The following DEPDC4 variants were observed in gnomAD, a reference collection of about 807,000 sequenced individuals.
The protein encoded by DEPDC4 is DEP domain-containing protein 4.
DEPDC4 carries 52 observed loss-of-function variants against 52.0 expected under a neutral mutation model. The ratio of observed to expected loss-of-function variants is 1.00; its 90% CI spans 0.80 to 1.26. The LOEUF (loss-of-function observed/expected upper bound fraction) is 1.26, where lower values mean the gene tolerates loss of function less well. Among genes scored for constraint, DEPDC4 ranks in the 50% most tolerant of loss-of-function variants. The pLI is 0.00. For missense variants in DEPDC4, 530 were observed against 546.9 expected, an observed-to-expected ratio of 0.97 and a Z score of 0.31; for synonymous variants, 201 against 196.8, an observed-to-expected ratio of 1.02 and a Z score of -0.18.
downstream of DEPDC4, chr12:100,237,951 G>T: frequency 2.8e-6 from 1 of 358,842 alleles, no homozygotes; most frequent in Non-Finnish European, 3.9e-6. Context: ...TCATAGTGAT[G>T]ACTAGCAAAT....
At chr12:100,263,934 A>T (rs763445518) in intron 1 of DEPDC4, 41 bp from the exon 2 acceptor site, 2 of 1,539,812 alleles carry the variant, frequency 1.3e-6, no homozygotes, top group Admixed American at 2.1e-5. Context: ...AATCTAGATT[A>T]TACAAAAATA....
intron 1 of DEPDC4, among the ~76,000 whole-genome samples, chr12:100,265,674 G>C (rs1465335348): frequency 6.6e-6 from 1 of 151,640 alleles, no homozygotes; most frequent in Admixed American, 6.6e-5. Flanking sequence ...GAATGAAGTA[G>C]AGCTATGTTT....
intron 1 of DEPDC4, among the ~76,000 whole-genome samples, chr12:100,265,709 T>C (rs1566330883): frequency 1.3e-5 from 2 of 152,198 alleles, no homozygotes; most frequent in Non-Finnish European, 2.9e-5. Flanking sequence ...TCTCATTAAG[T>C]AGGGAAAAAG....
intron 8 of DEPDC4, among the ~76,000 whole-genome samples, chr12:100,244,477 G>C (rs931075981): frequency 2.6e-5 from 4 of 151,012 alleles, no homozygotes; most frequent in Admixed American, 2.0e-4. Context: ...CACAGCATCC[G>C]GCCTATTTTA....
the DEPDC4 span, among the ~76,000 whole-genome samples, chr12:100,275,394 A>G: frequency 2.6e-5 from 4 of 151,946 alleles, no homozygotes; most frequent in African/African-American, 9.7e-5. Context: ...TGGAGTCTTG[A>G]TATGTTACCC....
At chr12:100,235,020 A>G (rs1429868342) in intron 9 of DEPDC4, among the ~76,000 whole-genome samples, 1 of 151,790 alleles carries the variant, frequency 6.6e-6, no homozygotes, top group Non-Finnish European at 1.5e-5. Flanking sequence ...CAAACGTTTC[A>G]CTGTTTACAA....
At chr12:100,260,126 T>C (rs1393165580) in intron 3 of DEPDC4, among the ~76,000 whole-genome samples, 4 of 137,584 alleles carry the variant, frequency 2.9e-5, no homozygotes, top group African/African-American at 9.1e-5. Context: ...ACCTATAGAA[T>C]TTTTTTTTTT....
intron 4 of DEPDC4, among the ~76,000 whole-genome samples, chr12:100,254,082 T>C (rs1183683003): frequency 6.6e-6 from 1 of 152,100 alleles, no homozygotes; most frequent in Admixed American, 6.6e-5. Context: ...ATACCAAATA[T>C]TTCCCCAACC....
chr12:100,274,820 G>A, the DEPDC4 span, among the ~76,000 whole-genome samples: 3 of 152,286 alleles, frequency 2.0e-5, no homozygotes, highest in Middle Eastern at 3.4e-3. Flanking sequence ...TTTGGAGAGC[G>A]ATAGGGCTTT....
chr12:100,278,320 C>G, the DEPDC4 span, among the ~76,000 whole-genome samples: 3 of 152,242 alleles, frequency 2.0e-5, no homozygotes, highest in East Asian at 5.8e-4. Context: ...CTGCCTCAGC[C>G]TCCTGAGTAG....
chr12:100,251,487 A>G (rs1342723997), intron 7 of DEPDC4, among the ~76,000 whole-genome samples: 1 of 151,840 alleles, frequency 6.6e-6, no homozygotes, highest in Non-Finnish European at 1.5e-5. Context: ...GGCTTACTGC[A>G]GCCTCAATCT....
At chr12:100,234,651 C>T (rs140348744) in intron 9 of DEPDC4, among the ~76,000 whole-genome samples, 8 of 151,816 alleles carry the variant, frequency 5.3e-5, no homozygotes, top group Non-Finnish European at 8.8e-5. Flanking sequence ...TCGTAGAGAC[C>T]GAATAATCTA....
intron 8 of DEPDC4, among the ~76,000 whole-genome samples, chr12:100,248,587 C>T (rs1682452947): frequency 6.6e-6 from 1 of 151,926 alleles, no homozygotes; most frequent in Admixed American, 6.6e-5. Flanking sequence ...CTGAGAGAGT[C>T]AGAAGAAGAT....
chr12:100,276,715 A>AT, the DEPDC4 span, among the ~76,000 whole-genome samples: 1 of 151,638 alleles, frequency 6.6e-6, no homozygotes, highest in Admixed American at 6.6e-5. Context: ...ACTTCATTGG[A>AT]TTTTTTTCCT....
At chr12:100,271,481 T>G (rs2096287673), upstream of DEPDC4, among the ~76,000 whole-genome samples, 1 of 152,222 alleles carries the variant, frequency 6.6e-6, no homozygotes, top group Non-Finnish European at 1.5e-5. Context: ...AATGATGATA[T>G]AAATGGTATT....
chr12:100,236,512 G>T (rs182096768), downstream of DEPDC4, among the ~76,000 whole-genome samples: 1 of 152,060 alleles, frequency 6.6e-6, no homozygotes, highest in East Asian at 1.9e-4. Context: ...TTCTATTCAT[G>T]TCCTTAGCCC....
chr12:100,276,080 G>A, the DEPDC4 span, among the ~76,000 whole-genome samples: 10 of 152,140 alleles, frequency 6.6e-5, no homozygotes, highest in African/African-American at 1.7e-4. Flanking sequence ...ACATATTAAC[G>A]AGGGACATTG....
In DEPDC4 at chr12:100,241,718, C is replaced by A; in HGVS notation, c.*174G>T. On this transcript the variant is annotated 3_prime_UTR_variant, in exon 10 of 10. Coordinates refer to ENST00000550587, the MANE Select transcript of DEPDC4 (RefSeq NM_001364818.2). ...GTTTTTGAAATTCCTTAATTAATTT[C>A]TTTTTTCGTTTCAGAGAGATGCTGG... is the stretch of plus-strand genomic sequence containing the variant. The A allele has an allele frequency of 1.6e-6, 2 of 1,260,566 alleles. No homozygotes were observed. The highest frequency in any genetic ancestry group is 1.0e-6 in the Non-Finnish European group (1 of 976,132). The allele number at this position is 1,260,566 out of a possible 1,614,324, so 78.1% of individuals were successfully genotyped here.
chr12:100,262,128 A>G (rs1194105718), intron 3 of DEPDC4, 136 bp downstream of exon 3: 1 of 762,184 alleles, frequency 1.3e-6, no homozygotes, highest in Non-Finnish European at 2.0e-6. Flanking sequence ...GTTGTGTGTG[A>G]GTGGAAGCAA....
Sources: allele counts gnomAD v4.1 joint callset (sites outside exome capture counted in the v4.1 genomes callset), GRCh38; gene constraint gnomAD v4.1.1; transcripts MANE v1.5; gene names NCBI Gene and HGNC (gene_info 2026-07-23, HGNC 2026-07-21).